Variants in CMC2 observed in about 807,000 individuals in gnomAD.
CMC2 encodes C-X9-C motif containing 2, also known as COX assembly mitochondrial protein 2 homolog.
A neutral mutation model predicts 7.5 loss-of-function variants in CMC2; 5 were observed. That is an observed-to-expected ratio of 0.66 (90% CI 0.35 to 1.40). The LOEUF is 1.40. Ranked by LOEUF, CMC2 falls within the 40% of genes most tolerant of loss-of-function variation. The probability of loss-of-function intolerance (pLI) is 0.04; values close to 1 mark genes in which losing one functional copy is unlikely to be tolerated. For missense variants in CMC2, 115 were observed against 92.3 expected (o/e 1.25, Z -1.01); for synonymous variants, 37 against 31.4 (o/e 1.18, Z -0.60).
intron 1 of CMC2, 77 bp from the exon 2 acceptor site, chr16:80,997,506 T>G: frequency 1.4e-6 from 1 of 737,294 alleles, no homozygotes; most frequent in Non-Finnish European, 2.4e-6. Flanking sequence ...TAAGAACCTC[T>G]AGTGACCTTT....
chr16:80,987,805 A>G (rs1463672709), intron 2 of CMC2, among the ~76,000 whole-genome samples: 2 of 152,342 alleles, frequency 1.3e-5, no homozygotes, highest in Middle Eastern at 3.4e-3. Flanking sequence ...TCAACAAAAA[A>G]GACTAAAACA....
Position 80,968,828 on chromosome 16 carries a change from C to G in CMC2, c.*7265G>C, listed in dbSNP as rs1207728292. The G allele has an allele frequency of 2.6e-5, 4 of 152,154 alleles. No individual in the cohort carries two copies. Among genetic ancestry groups the G allele is most frequent in the Non-Finnish European group, 5.9e-5 (4 of 68,034 alleles). 9.4% of individuals were successfully genotyped at this position (152,154 alleles called of 1,614,324 possible). On this transcript the variant is annotated 3_prime_UTR_variant, in exon 4 of 4. Transcript: ENST00000219400. ...AAGTGCATCAGCACATGCTATGCAG[C>G]CTAGACCAGTTCCAGGTACCAGGAA...
At chr16:80,984,048 T>C (rs1394751081) in intron 2 of CMC2, 4 of 152,154 alleles carry the variant, frequency 2.6e-5, no homozygotes, top group South Asian at 2.1e-4. Flanking sequence ...AATAAGCCAC[T>C]AATTTACAAT....
At chr16:80,981,090 A>C (rs1440649682) in intron 3 of CMC2, among the ~76,000 whole-genome samples, 1 of 152,006 alleles carries the variant, frequency 6.6e-6, no homozygotes, top group Admixed American at 6.6e-5. Flanking sequence ...AAAAAAAAAA[A>C]AAAGTTCAAA....
At chr16:80,999,708 A>G (rs545927279) in intron 1 of CMC2, among the ~76,000 whole-genome samples, 3 of 152,344 alleles carry the variant, frequency 2.0e-5, no homozygotes, top group South Asian at 4.1e-4. Context: ...TCCTACAAAA[A>G]CACACACATG....
chr16:80,971,442 GTATT>G lies in CMC2; in HGVS notation c.*4647_*4650del, dbSNP rs901700685. 2 of 144,880 alleles carry G rather than the reference GTATT, an allele frequency of 1.4e-5. No individual in the cohort carries two copies. The highest frequency in any genetic ancestry group is 5.5e-5 in the African/African-American group (2 of 36,650). 9.0% of individuals were successfully genotyped at this position (144,880 alleles called of 1,614,324 possible). On this transcript the variant is annotated 3_prime_UTR_variant, in exon 4 of 4. Coordinates refer to ENST00000219400, the MANE Select transcript of CMC2 (RefSeq NM_020188.5). ...AACAAGAACCTCATTTATCAACATA[GTATT>G]TTTTTTTTAAAAAAAAAAGGTACGC...
At chr16:80,977,659 T>C (rs1183557752) in intron 3 of CMC2, among the ~76,000 whole-genome samples, 2 of 152,204 alleles carry the variant, frequency 1.3e-5, no homozygotes. Context: ...TAACTTCAAA[T>C]ATAAGGAGGT....
rs1127390 is a variant in CMC2, at chr16:80,976,176, C to T, written c.157G>A (p.Val53Ile). 0.26 allele frequency: 399,511 copies of T among 1,565,598 alleles called. 58,452 individuals carry two copies. Among genetic ancestry groups the T allele is most frequent in the African/African-American group, 0.59 (43,151 of 73,068 alleles). ...ELRKCLKNEY[V>I]ENRTKSREHG... is the part of the protein sequence containing the mutation. The stretch of plus-strand genomic sequence containing the variant: ...TCCCTGCTCTTGGTCCTGTTTTCTA[C>T]GTACTGAAAAATAAAAGAAGGGGGG... Residue 53 changes from valine to isoleucine, a missense_variant, in exon 4 of 4, where the codon GTA becomes ATA. Physicochemically the swap from Val to Ile is conservative, Grantham distance 29. Coordinates refer to ENST00000219400, the MANE Select transcript of CMC2 (RefSeq NM_020188.5).
At chr16:80,996,220 G>A (rs1279855128) in intron 2 of CMC2, among the ~76,000 whole-genome samples, 1 of 152,018 alleles carries the variant, frequency 6.6e-6, no homozygotes, top group East Asian at 1.9e-4. Flanking sequence ...AATCTAAAGG[G>A]CTATACTGGC....
rs1257104968 is a variant in CMC2, at chr16:80,972,786, C to T, written c.*3307G>A. 2.6e-5 allele frequency: 4 copies of T among 152,210 alleles called. No homozygotes were observed. The highest frequency in any genetic ancestry group is 4.4e-5 in the Non-Finnish European group (3 of 68,058). The allele number at this position is 152,210 out of a possible 1,614,324, so 9.4% of individuals were successfully genotyped here. A position where few individuals can be genotyped will look rare whatever the true frequency, so the allele number is the denominator to read the frequency against. ...CACTTGGTATCCTGCACAGACCCTA[C>T]AATGCCTTCCTGTTGCCCTTAGCAG... On this transcript the variant is annotated 3_prime_UTR_variant, in exon 4 of 4. Transcript: ENST00000219400.
intron 2 of CMC2, among the ~76,000 whole-genome samples, chr16:80,987,990 A>G (rs1177466748): frequency 6.6e-6 from 1 of 151,966 alleles, no homozygotes; most frequent in African/African-American, 2.4e-5. Context: ...AGCCTGGGCA[A>G]CACAGGAGAG....
In CMC2 at chr16:81,006,720, C is replaced by T; in HGVS notation, c.-36+14G>A. 3.0e-6 allele frequency: 3 copies of T among 985,540 alleles called. No individual in the cohort carries two copies. Among genetic ancestry groups the T allele is most frequent in the Non-Finnish European group, 3.6e-6 (3 of 830,014 alleles). The allele number at this position is 985,540 out of a possible 1,614,324, so 61.0% of individuals were successfully genotyped here. ...CGGAACGCGTTCGGAACGGCCTGGA[C>T]TCCCGAGACTCACCCGACTCGTGGC... On this transcript the variant is annotated intron_variant, in intron 1 of 3. Transcript: ENST00000219400.
chr16:80,979,618 T>C (rs571370167), intron 3 of CMC2, among the ~76,000 whole-genome samples: 20 of 140,906 alleles, frequency 1.4e-4, no homozygotes, highest in African/African-American at 5.1e-4. Flanking sequence ...TTTTATTTTA[T>C]TTTTTTTTAA....
chr16:80,996,014 A>C (rs1018079123), intron 2 of CMC2, among the ~76,000 whole-genome samples: 4 of 152,206 alleles, frequency 2.6e-5, no homozygotes, highest in Admixed American at 1.3e-4. Flanking sequence ...AAGAAAAAAA[A>C]AACAACAACG....
intron 3 of CMC2, among the ~76,000 whole-genome samples, chr16:80,980,045 A>G (rs189966527): frequency 1.9e-3 from 287 of 152,296 alleles, no homozygotes; most frequent in African/African-American, 6.6e-3. Flanking sequence ...CAGCCTCCCA[A>G]GTAGCTGGGA....
intron 2 of CMC2, chr16:80,988,474 G>A: frequency 2.9e-6 from 2 of 679,154 alleles, no homozygotes; most frequent in Admixed American, 2.3e-5. Flanking sequence ...AAAGTTCCAA[G>A]AACAGTACAA....
At position 80,971,879 on chromosome 16, in the gene CMC2, C is replaced by G. The variant is rs1252168835; in HGVS notation, c.*4214G>C. ...TTAATACCACAAAAAAGGTCCTTTA[C>G]AGGATTTGGGCAATCTTCCCTTTTG... On this transcript the variant is annotated 3_prime_UTR_variant, in exon 4 of 4. Transcript: ENST00000219400. 1.3e-5 allele frequency: 2 copies of G among 152,138 alleles called. No individual in the cohort carries two copies. Among genetic ancestry groups the G allele is most frequent in the East Asian group, 3.8e-4 (2 of 5,200 alleles). 9.4% of individuals were successfully genotyped at this position (152,138 alleles called of 1,614,324 possible).
At chr16:80,987,002 A>G (rs1180594150) in intron 2 of CMC2, among the ~76,000 whole-genome samples, 3 of 152,240 alleles carry the variant, frequency 2.0e-5, no homozygotes, top group Non-Finnish European at 4.4e-5. Context: ...AAGTTATGGT[A>G]GAAGCCTGTG....
rs1567497612 is a variant in CMC2, at chr16:80,968,334, G to C, written c.*7759C>G. On this transcript the variant is annotated 3_prime_UTR_variant, in exon 4 of 4. Transcript: ENST00000219400. ...AATTCTCCCACCTCGGCCTTCGAAA[G>C]TACTGGGATTACAGGCGCAAGCCAC... is the stretch of plus-strand genomic sequence containing the variant. 6.6e-6 allele frequency: 1 copy of C among 152,260 alleles called. No homozygotes were observed. Among genetic ancestry groups the C allele is most frequent in the African/African-American group, 2.4e-5 (1 of 41,444 alleles). The allele number at this position is 152,260 out of a possible 1,614,324, so 9.4% of individuals were successfully genotyped here. A position where few individuals can be genotyped will look rare whatever the true frequency, so the allele number is the denominator to read the frequency against.
Sources: gnomAD v4.1 joint callset for allele counts (sites outside exome capture counted in the v4.1 genomes callset) on GRCh38, gnomAD v4.1.1 for gene constraint, MANE v1.5 for transcripts, NCBI Gene and HGNC (gene_info 2026-07-23, HGNC 2026-07-21) for gene names.